Variants in TPRG1 observed in about 807,000 individuals in gnomAD.
TPRG1 encodes the protein tumor protein p63 regulated 1.
A neutral mutation model predicts 29.3 loss-of-function variants in TPRG1; 29 were observed. That is an observed-to-expected ratio of 0.99 (90% CI 0.74 to 1.35). The LOEUF is 1.35. Among genes scored for constraint, TPRG1 ranks in the 40% most tolerant of loss-of-function variants. TPRG1 has a pLI of 0.00. For synonymous variants in TPRG1, 130 were observed against 116.8 expected (o/e 1.11, Z -0.73); for missense variants, 327 against 335.0 (o/e 0.98, Z 0.19).
At chr3:189,310,848 T>C (rs1722372730) in intron 5 of TPRG1, among the ~76,000 whole-genome samples, 1 of 152,102 alleles carries the variant, frequency 6.6e-6, no homozygotes, top group South Asian at 2.1e-4. Flanking sequence ...ACATTCTAAT[T>C]ATTTTATTCA....
rs111867279 is a variant in TPRG1, at chr3:189,285,586, C to T, written c.480-24800C>T. Among the ~76,000 whole-genome samples the T allele has an allele frequency of 6.8e-3, 1,032 of 152,318 alleles. 20 individuals are homozygous for T. The highest frequency in any genetic ancestry group is 0.024 in the African/African-American group (998 of 41,564). ...ATTGTGAATGTCTGAAAGAGCAAAG[C>T]GTTTCCTAACATTTTTGATCACAGA... On this transcript the variant is annotated intron_variant, in intron 4 of 5. Coordinates refer to ENST00000345063, the MANE Select transcript of TPRG1 (RefSeq NM_198485.4).
chr3:189,320,886 C>G lies in TPRG1; in HGVS notation c.*66C>G. 3 of 1,298,666 alleles carry G rather than the reference C, an allele frequency of 2.3e-6. No homozygotes were observed. Among genetic ancestry groups the G allele is most frequent in the Non-Finnish European group, 3.1e-6 (3 of 976,672 alleles). The allele number at this position is 1,298,666 out of a possible 1,614,324, so 80.4% of individuals were successfully genotyped here. On this transcript the variant is annotated 3_prime_UTR_variant, in exon 6 of 6. Transcript: ENST00000345063. ...TCACTTTGAAAATTCCAGTTTGACC[C>G]ACGCTATTTTTGGACTGAAACAATT...
At chr3:189,019,776 T>C (rs1713187480) in intron 3 of TPRG1, among the ~76,000 whole-genome samples, 1 of 150,946 alleles carries the variant, frequency 6.6e-6, no homozygotes, top group Non-Finnish European at 1.5e-5. Context: ...TCCCTCTTTT[T>C]CTATTGATTG....
chr3:189,052,449 T>A (rs991538411), intron 4 of TPRG1, among the ~76,000 whole-genome samples: 1 of 152,130 alleles, frequency 6.6e-6, no homozygotes, highest in Non-Finnish European at 1.5e-5. Context: ...CAGTAAACAC[T>A]GGCATGGATG....
At chr3:189,033,016 C>T (rs956626443) in intron 4 of TPRG1, among the ~76,000 whole-genome samples, 12 of 151,934 alleles carry the variant, frequency 7.9e-5, no homozygotes, top group East Asian at 3.9e-4. Context: ...ACCGTGCACA[C>T]GATTCAGACA....
At chr3:189,281,432 C>T (rs1717107816) in intron 4 of TPRG1, among the ~76,000 whole-genome samples, 1 of 152,118 alleles carries the variant, frequency 6.6e-6, no homozygotes, top group African/African-American at 2.4e-5. Context: ...AGAGGAACTA[C>T]AGTGAAATGT....
chr3:189,113,167 G>T (rs1384165767), intron 1 of TPRG1, among the ~76,000 whole-genome samples: 5 of 152,002 alleles, frequency 3.3e-5, no homozygotes, highest in African/African-American at 9.7e-5. Flanking sequence ...TCATGATTTG[G>T]CTCTCTGTTT....
At chr3:189,219,016 A>C (rs925049627) in intron 3 of TPRG1, among the ~76,000 whole-genome samples, 7 of 152,234 alleles carry the variant, frequency 4.6e-5, no homozygotes, top group Admixed American at 1.3e-4. Context: ...AAGTGCAATC[A>C]ATTTCCATTG....
chr3:189,134,872 G>A (rs144897865), intron 3 of TPRG1, among the ~76,000 whole-genome samples: 2 of 152,224 alleles, frequency 1.3e-5, no homozygotes, highest in African/African-American at 2.4e-5. Flanking sequence ...ACTCTACCAG[G>A]CTGTACTGAT....
chr3:189,228,681 C>T lies in TPRG1; in HGVS notation c.303-10052C>T, dbSNP rs557069729. 4.6e-5 allele frequency among the ~76,000 whole-genome samples: 7 copies of T among 152,154 alleles called. No individual in the cohort carries two copies. In the South Asian group the frequency reaches 8.3e-4, roughly 18 times the overall value. ...CTGTTGGGTAATGTCTAATTGTTCC[C>T]CCCTAAGATTTGGAACAAGGAAAGC... On this transcript the variant is annotated intron_variant, in intron 3 of 5. Transcript: ENST00000345063.
chr3:189,284,248 C>A (rs1269918998), intron 4 of TPRG1, among the ~76,000 whole-genome samples: 1 of 151,274 alleles, frequency 6.6e-6, no homozygotes, highest in Non-Finnish European at 1.5e-5. Context: ...ATGTGCACAA[C>A]GTGCAGGTTA....
intron 4 of TPRG1, among the ~76,000 whole-genome samples, chr3:189,308,285 A>G (rs1331662035): frequency 1.3e-5 from 2 of 152,238 alleles, no homozygotes; most frequent in African/African-American, 4.8e-5. Flanking sequence ...CCGGACATCC[A>G]GCTCACTGCA....
chr3:189,046,093 A>G (rs572518432), intron 4 of TPRG1, among the ~76,000 whole-genome samples: 105 of 152,304 alleles, frequency 6.9e-4, no homozygotes, highest in African/African-American at 2.4e-3. Flanking sequence ...GCAGACTTCT[A>G]AGGTTTTAGT....
At chr3:189,127,494 G>A (rs1480601286) in intron 2 of TPRG1, among the ~76,000 whole-genome samples, 1 of 152,122 alleles carries the variant, frequency 6.6e-6, no homozygotes, top group East Asian at 1.9e-4. Context: ...GTGGTCAATG[G>A]GCCTCTCAAC....
intron 5 of TPRG1, among the ~76,000 whole-genome samples, chr3:189,158,920 T>C (rs956948190): frequency 1.3e-5 from 2 of 151,566 alleles, no homozygotes; most frequent in African/African-American, 2.4e-5. Context: ...TCATCAAGTT[T>C]TTTTTTTGTT....
At chr3:189,174,176 A>G (rs1403383221) in intron 1 of TPRG1, among the ~76,000 whole-genome samples, 1 of 152,196 alleles carries the variant, frequency 6.6e-6, no homozygotes. Flanking sequence ...CCGAGAATTC[A>G]TTTACTCCAG....
At chr3:189,138,445 T>C (rs1724063869) in intron 3 of TPRG1, among the ~76,000 whole-genome samples, 1 of 152,168 alleles carries the variant, frequency 6.6e-6, no homozygotes, top group Non-Finnish European at 1.5e-5. Flanking sequence ...CTCACCCACT[T>C]CCCAGCACAA....
intron 4 of TPRG1, among the ~76,000 whole-genome samples, chr3:189,256,990 T>G (rs944209186): frequency 1.3e-5 from 2 of 152,192 alleles, no homozygotes; most frequent in African/African-American, 2.4e-5. Context: ...AATTGGAGAA[T>G]TTAGACTTTT....
At chr3:189,304,754 A>G (rs986320393) in intron 4 of TPRG1, among the ~76,000 whole-genome samples, 1 of 152,174 alleles carries the variant, frequency 6.6e-6, no homozygotes, top group Non-Finnish European at 1.5e-5. Flanking sequence ...TTAAATAAGC[A>G]AGAGACTAAC....
Sources: allele counts gnomAD v4.1 joint callset (sites outside exome capture counted in the v4.1 genomes callset), GRCh38; gene constraint gnomAD v4.1.1; transcripts MANE v1.5; gene names NCBI Gene and HGNC (gene_info 2026-07-23, HGNC 2026-07-21).